CASK: variants seen among roughly 807,000 people sequenced by gnomAD.
CASK encodes the protein peripheral plasma membrane protein CASK.
Under a neutral mutation model 82.9 loss-of-function variants are expected in CASK, and 4 were observed. That is an observed-to-expected ratio of 0.05 (90% confidence interval 0.02 to 0.11). The LOEUF is 0.11. CASK is among the 10% of genes least tolerant of loss of function. The pLI, the probability that CASK is intolerant of heterozygous loss-of-function variation, is 1.00. For missense variants in CASK, 358 were observed against 720.9 expected, an observed-to-expected ratio of 0.50 and a Z score of 5.76; for synonymous variants, 259 against 253.5, an observed-to-expected ratio of 1.02 and a Z score of -0.20.
chrX:41,621,914 G>A (rs1351240727), intron 11 of CASK, among the ~76,000 whole-genome samples: 1 of 111,351 alleles, frequency 9.0e-6, no homozygotes, highest in Non-Finnish European at 1.9e-5. Flanking sequence ...TGTATTCTTT[G>A]CTCAGTTCCC....
chrX:41,875,263 T>G (rs759674034), intron 1 of CASK, among the ~76,000 whole-genome samples: 1 of 112,436 alleles, frequency 8.9e-6, no homozygotes, highest in African/African-American at 3.2e-5. Flanking sequence ...TCTTTGGTTT[T>G]TCCTTAAGTT....
Position 41,853,098 on chromosome X carries a change from T to G in CASK, c.172+17A>C. 1.6e-5 allele frequency: 17 copies of G among 1,053,376 alleles called. No homozygotes were observed. Among genetic ancestry groups the G allele is most frequent in the Non-Finnish European group, 2.3e-5 (17 of 751,368 alleles). 86.8% of individuals were successfully genotyped at this position (1,053,376 alleles called of 1,213,427 possible). ...AAAGCCAGACATCAAATAACTTACT[T>G]GAAATCCATCTCTTACCTTCTGTAC... On this transcript the variant is annotated intron_variant, in intron 2 of 26. Coordinates refer to ENST00000378163, the MANE Select transcript of CASK (RefSeq NM_001367721.1).
chrX:41,794,433 C>G (rs781612860), intron 2 of CASK, among the ~76,000 whole-genome samples: 32 of 112,097 alleles, frequency 2.9e-4, no homozygotes, highest in Non-Finnish European at 5.3e-4. Context: ...CTAAGTTTGT[C>G]TAAAAGGTGC....
intron 21 of CASK, among the ~76,000 whole-genome samples, chrX:41,545,246 T>C (rs1194750295): frequency 8.9e-6 from 1 of 112,133 alleles, no homozygotes; most frequent in Non-Finnish European, 1.9e-5. Context: ...CAGGCTGGTC[T>C]TGAACTCCTG....
intron 5 of CASK, among the ~76,000 whole-genome samples, chrX:41,701,918 T>C (rs2067800295): frequency 8.9e-6 from 1 of 112,335 alleles, no homozygotes; most frequent in Non-Finnish European, 1.9e-5. Flanking sequence ...GTTGGTAGAC[T>C]TCCATTCTAC....
At chrX:41,809,775 A>G (rs2070228166) in intron 2 of CASK, among the ~76,000 whole-genome samples, 1 of 112,385 alleles carries the variant, frequency 8.9e-6, no homozygotes, top group Non-Finnish European at 1.9e-5. Context: ...AAGGCTTCGG[A>G]TGATTAAACT....
At chrX:41,738,938 TGATTTCATACTATATTTAAAA>T (rs1416663280) in intron 5 of CASK, among the ~76,000 whole-genome samples, 3 of 112,462 alleles carry the variant, frequency 2.7e-5, no homozygotes, top group Non-Finnish European at 5.6e-5. Context: ...TGTATAATTA[TGATTTCATACTATATTTAAAA>T]ACTATCTGCA....
At chrX:41,910,610 C>T (rs964861788) in intron 1 of CASK, among the ~76,000 whole-genome samples, 3 of 111,877 alleles carry the variant, frequency 2.7e-5, no homozygotes, top group East Asian at 2.8e-4. Context: ...AACTAAGAAA[C>T]CTGAACTTTA....
At chrX:41,623,318 A>G (rs1185615449) in intron 10 of CASK, among the ~76,000 whole-genome samples, 1 of 112,723 alleles carries the variant, frequency 8.9e-6, no homozygotes, top group Non-Finnish European at 1.9e-5. Flanking sequence ...CATCGTAAAC[A>G]ATATACCTAA....
intron 14 of CASK, among the ~76,000 whole-genome samples, chrX:41,582,364 GGA>G (rs1159851664): frequency 1.8e-5 from 2 of 111,376 alleles, no homozygotes; most frequent in Non-Finnish European, 3.8e-5. Context: ...CTCCCAGGCT[GGA>G]GTGCAGTGGT....
rs755687561 is a variant in CASK at position 41,709,860 on chromosome X, T to C, written c.429+29524A>G. Among the ~76,000 whole-genome samples the C allele has an allele frequency of 4.6e-3, 508 of 111,120 alleles. 2 individuals are homozygous for C. The highest frequency in any genetic ancestry group is 0.015 in the African/African-American group (445 of 30,564). On this transcript the variant is annotated intron_variant, in intron 5 of 26. Transcript: ENST00000378163. ...TTCCCTTGACATCTATCTCTTTTTT[T>C]CCCCTTGATTAAGGACAGGAAGTTA...
chrX:41,559,931 C>T, intron 17 of CASK, 84 bp from the exon 18 acceptor site: 1 of 799,467 alleles, frequency 1.3e-6, no homozygotes, highest in Non-Finnish European at 1.9e-6. Context: ...ACTCAAAACA[C>T]ATGGGGGCAA....
intron 24 of CASK, among the ~76,000 whole-genome samples, chrX:41,534,018 T>C (rs1470599693): frequency 8.9e-6 from 1 of 111,992 alleles, no homozygotes; most frequent in Non-Finnish European, 1.9e-5. Flanking sequence ...AGATAGCTTC[T>C]ACTTATCCAC....
At chrX:41,912,314 T>G (rs1327599280) in intron 1 of CASK, among the ~76,000 whole-genome samples, 1 of 97,099 alleles carries the variant, frequency 1.0e-5, no homozygotes, top group African/African-American at 3.8e-5. Context: ...TTTTTTTTTT[T>G]TTTTTTTTTT....
chrX:41,846,314 A>T (rs1158105588), intron 2 of CASK, among the ~76,000 whole-genome samples: 1 of 110,830 alleles, frequency 9.0e-6, no homozygotes, highest in African/African-American at 3.3e-5. Context: ...AAATGAGATG[A>T]GCCAGGCACA....
intron 8 of CASK, among the ~76,000 whole-genome samples, chrX:41,649,361 A>G (rs189030564): frequency 2.6e-3 from 293 of 111,754 alleles, no homozygotes; most frequent in Admixed American, 5.5e-3. Context: ...TGTCAATTTT[A>G]GATCTTTCTT....
Position 41,555,633 on chromosome X carries a change from G to T in CASK, c.1809C>A (p.Asp603Glu). 8.3e-7 allele frequency: 1 copy of T among 1,199,989 alleles called. No individual in the cohort carries two copies. The highest frequency in any genetic ancestry group is 1.1e-6 in the Non-Finnish European group (1 of 885,046). Residue 603 changes from aspartate (D) to glutamate (E), a missense_variant and splice_region_variant, in exon 20 of 27, where the codon GAC becomes GAA. Transcript: ENST00000378163. ...CTTTTGGTTGGGTAGTTGATGGCAA[G>T]TCCTGTAGAATAAAGCCAACCCAGG... ...GHSSTNNSVS[D>E]LPSTTQPKGR...
At chrX:41,853,918 G>GA (rs200187375) in intron 1 of CASK, among the ~76,000 whole-genome samples, 108 of 110,835 alleles carry the variant, frequency 9.7e-4, no homozygotes, top group Non-Finnish European at 1.6e-3. Flanking sequence ...AATACAATAA[G>GA]AAAAAAAACA....
In CASK at chrX:41,663,354, A is replaced by C. The variant is rs12393296; in HGVS notation, c.708+1923T>G. Among the ~76,000 whole-genome samples, 1,090 of 111,647 alleles carry C rather than the reference A, an allele frequency of 9.8e-3. 13 individuals are homozygous for C. The highest frequency in any genetic ancestry group is 0.033 in the African/African-American group (1,008 of 30,735). On this transcript the variant is annotated intron_variant, in intron 7 of 26. Coordinates refer to ENST00000378163, the MANE Select transcript of CASK (RefSeq NM_001367721.1). ...TAGGCTTTTTGTAAGGAAAGTCCTG[A>C]AGATAAATGAGAGGTGAGGTTAGCC...
Sources: allele counts gnomAD v4.1 joint callset (sites outside exome capture counted in the v4.1 genomes callset), GRCh38; gene constraint gnomAD v4.1.1; transcripts MANE v1.5; gene names NCBI Gene and HGNC (gene_info 2026-07-23, HGNC 2026-07-21).